Variants in NTAQ1 observed in about 807,000 individuals in gnomAD.
The protein encoded by NTAQ1 is N-terminal glutamine amidase 1, also known as protein N-terminal glutamine amidohydrolase.
A neutral mutation model predicts 28.2 loss-of-function variants in NTAQ1; 21 were observed. The ratio of observed to expected loss-of-function variants is 0.74; its 90% CI spans 0.53 to 1.07. The LOEUF is 1.07. Among genes scored for constraint, NTAQ1 ranks in the 50% least tolerant of loss-of-function variants. The pLI, the probability that NTAQ1 is intolerant of heterozygous loss-of-function variation, is 0.00. For synonymous variants in NTAQ1, 105 were observed against 90.0 expected (o/e 1.17, Z -0.94); for missense variants, 264 against 256.6 (o/e 1.03, Z -0.20).
chr8:123,436,635 T>C (rs1470616882), intron 4 of NTAQ1, 34 bp downstream of exon 4: 1 of 1,592,264 alleles, frequency 6.3e-7, no homozygotes, highest in Non-Finnish European at 8.5e-7. Flanking sequence ...ACTTATTTTC[T>C]GAAGTAAGAA....
chr8:123,468,629 C>T (rs777573283), exon 7 of NTAQ1, among the ~76,000 whole-genome samples: 1 of 152,100 alleles, frequency 6.6e-6, no homozygotes. Flanking sequence ...AGGTTCCATC[C>T]ACCTCTTGGC....
intron 6 of NTAQ1, among the ~76,000 whole-genome samples, chr8:123,456,926 G>A (rs374853308): frequency 2.0e-5 from 3 of 152,216 alleles, no homozygotes; most frequent in African/African-American, 7.2e-5. Flanking sequence ...GTGGATACAC[G>A]AGGAAACTCA....
At chr8:123,423,156 A>C (rs1190446927) in intron 1 of NTAQ1, among the ~76,000 whole-genome samples, 1 of 151,950 alleles carries the variant, frequency 6.6e-6, no homozygotes, top group African/African-American at 2.4e-5. Context: ...TATGAGTTTT[A>C]GAATAGTTTC....
intron 1 of NTAQ1, among the ~76,000 whole-genome samples, chr8:123,423,057 G>C (rs568996611): frequency 6.6e-6 from 1 of 152,294 alleles, no homozygotes; most frequent in African/African-American, 2.4e-5. Context: ...TAGCCTTCTA[G>C]TATAATTTGA....
intron 6 of NTAQ1, among the ~76,000 whole-genome samples, chr8:123,454,556 G>A (rs1022937639): frequency 6.6e-6 from 1 of 152,222 alleles, no homozygotes; most frequent in South Asian, 2.1e-4. Flanking sequence ...TTTTAGTAAA[G>A]ACGGGGTTTC....
At chr8:123,456,154 A>T (rs1185213558) in intron 6 of NTAQ1, among the ~76,000 whole-genome samples, 1 of 152,224 alleles carries the variant, frequency 6.6e-6, no homozygotes, top group Admixed American at 6.5e-5. Flanking sequence ...CCCAGTGGTC[A>T]TGACATTGCA....
In NTAQ1 at chr8:123,441,431, G is replaced by A; in HGVS notation, c.*16G>A. On this transcript the variant is annotated 3_prime_UTR_variant, in exon 6 of 6. Transcript: ENST00000287387. Reference sequence around the variant, plus strand: ...AAACTGCTGAACTTGGTCTCAAGATGTGGAACTGTGGAGAAATTCTAGGAC... The same window carrying A: ...AAACTGCTGAACTTGGTCTCAAGATATGGAACTGTGGAGAAATTCTAGGAC... The A allele has an allele frequency of 6.3e-7, 1 of 1,577,906 alleles. No individual in the cohort carries two copies. Among genetic ancestry groups the A allele is most frequent in the Non-Finnish European group, 8.7e-7 (1 of 1,154,874 alleles).
rs557628135 is a variant in NTAQ1 at position 123,438,087 on chromosome 8, C to T, written c.508+753C>T. The T allele has an allele frequency of 9.6e-4, 656 of 685,612 alleles. 9 individuals are homozygous for T. Among genetic ancestry groups the T allele is most frequent in the South Asian group, 8.2e-3 (534 of 65,212 alleles). 42.5% of individuals were successfully genotyped at this position (685,612 alleles called of 1,614,324 possible). A position where few individuals can be genotyped will look rare whatever the true frequency, so the allele number is the denominator to read the frequency against. ...AAAATCTGCATTAGAGGGAGGTGAGCGCTAGCAGGTTTTATTGTACCACTT... is the reference window on the plus strand; with the variant it reads ...AAAATCTGCATTAGAGGGAGGTGAGTGCTAGCAGGTTTTATTGTACCACTT... On this transcript the variant is annotated intron_variant, in intron 5 of 5. Transcript: ENST00000287387.
At chr8:123,446,137 G>A (rs1486322139), downstream of NTAQ1, among the ~76,000 whole-genome samples, 2 of 151,780 alleles carry the variant, frequency 1.3e-5, no homozygotes, top group African/African-American at 4.8e-5. Context: ...GGGATTACAG[G>A]TGCGCTACCA....
At chr8:123,426,149 C>T (rs1423608311) in intron 1 of NTAQ1, among the ~76,000 whole-genome samples, 3 of 152,228 alleles carry the variant, frequency 2.0e-5, no homozygotes, top group Non-Finnish European at 2.9e-5. Context: ...AGGAACCCAA[C>T]AGCTGAGCTG....
intron 5 of NTAQ1, among the ~76,000 whole-genome samples, chr8:123,439,487 C>T (rs1207673618): frequency 2.0e-5 from 3 of 151,850 alleles, no homozygotes; most frequent in South Asian, 2.1e-4. Flanking sequence ...GGACTACAGG[C>T]GCCCGCCACC....
chr8:123,465,524 T>G (rs1164594955), intron 6 of NTAQ1, among the ~76,000 whole-genome samples: 2 of 151,922 alleles, frequency 1.3e-5, no homozygotes, highest in African/African-American at 2.4e-5. Context: ...GTAAATGGAA[T>G]TGTATAGTAC....
chr8:123,466,514 A>C (rs1430099755), intron 6 of NTAQ1, among the ~76,000 whole-genome samples: 1 of 152,204 alleles, frequency 6.6e-6, no homozygotes, highest in Non-Finnish European at 1.5e-5. Flanking sequence ...TGACTCACTG[A>C]ATTACTCTAG....
At chr8:123,418,447 CAAAA>C (rs11447317) in intron 1 of NTAQ1, among the ~76,000 whole-genome samples, 17 of 126,716 alleles carry the variant, frequency 1.3e-4, no homozygotes, top group African/African-American at 4.7e-4. Flanking sequence ...GACTCCATCT[CAAAA>C]AAAAAAAAAA....
At chr8:123,456,903 C>G (rs755666788) in intron 6 of NTAQ1, among the ~76,000 whole-genome samples, 1 of 151,986 alleles carries the variant, frequency 6.6e-6, no homozygotes, top group African/African-American at 2.4e-5. Flanking sequence ...ATATACTGCA[C>G]GCATATAAAA....
chr8:123,441,007 A>G (rs1815032222), intron 5 of NTAQ1, among the ~76,000 whole-genome samples: 1 of 151,044 alleles, frequency 6.6e-6, no homozygotes. Context: ...GTTTCGTTCC[A>G]TAGAAGAGAA....
At chr8:123,423,253 T>C (rs1813825283) in intron 1 of NTAQ1, among the ~76,000 whole-genome samples, 2 of 143,094 alleles carry the variant, frequency 1.4e-5, no homozygotes, top group Admixed American at 1.4e-4. Context: ...CCCTCCCTCC[T>C]TCCCTCCTTT....
intron 1 of NTAQ1, among the ~76,000 whole-genome samples, chr8:123,422,545 G>A (rs57128794): frequency 0.25 from 38,110 of 151,240 alleles, 5,262 homozygotes; most frequent in South Asian, 0.37. Context: ...CCAAAGTGCT[G>A]GGATTACAAG....
Position 123,416,878 on chromosome 8 carries a change from A to G in NTAQ1, c.29A>G (p.His10Arg). The change falls in exon 1 of 6, where the codon CAC (histidine) becomes CGC (arginine). Residue 10 changes from histidine to arginine, a missense_variant. Coordinates refer to ENST00000287387, the MANE Select transcript of NTAQ1 (RefSeq NM_018024.3). MEGNGPAAV[H>R]YQPASPPRDA... is the part of the protein sequence containing the mutation. ...GAAGGTAATGGCCCCGCTGCTGTCC[A>G]CTACCAGCCGGCCAGCCCCCCGCGG... 1 of 1,529,030 alleles carries G rather than the reference A, an allele frequency of 6.5e-7. No homozygotes were observed. Among genetic ancestry groups the G allele is most frequent in the Non-Finnish European group, 8.8e-7 (1 of 1,138,782 alleles). The allele number at this position is 1,529,030 out of a possible 1,614,324, so 94.7% of individuals were successfully genotyped here. A position where few individuals can be genotyped will look rare whatever the true frequency, so the allele number is the denominator to read the frequency against.
Sources: gnomAD v4.1 joint callset for allele counts (sites outside exome capture counted in the v4.1 genomes callset) on GRCh38, gnomAD v4.1.1 for gene constraint, MANE v1.5 for transcripts, NCBI Gene and HGNC (gene_info 2026-07-23, HGNC 2026-07-21) for gene names.